The following ERBB4 variants were observed in gnomAD, a reference collection of about 807,000 sequenced individuals.
ERBB4 encodes the protein erb-b2 receptor tyrosine kinase 4.
In ERBB4, 42 loss-of-function variants were observed where a neutral mutation model predicts 158.0. The observed-to-expected ratio is 0.27, with a 90% CI of 0.21 to 0.34. The LOEUF (loss-of-function observed/expected upper bound fraction) is 0.34, where lower values mean the gene tolerates loss of function less well. Ranked by LOEUF, ERBB4 falls within the 10% of genes least tolerant of loss-of-function variation. The pLI is 1.00. For missense variants in ERBB4, 1,333 were observed against 1,624.1 expected (o/e 0.82, Z 3.08); for synonymous variants, 583 against 558.7 (o/e 1.04, Z -0.61).
At chr2:212,256,459 G>A (rs2084743315) in intron 1 of ERBB4, among the ~76,000 whole-genome samples, 1 of 152,146 alleles carries the variant, frequency 6.6e-6, no homozygotes, top group African/African-American at 2.4e-5. Context: ...ACAAGGGACT[G>A]TAGATCTGCA....
intron 25 of ERBB4, among the ~76,000 whole-genome samples, chr2:211,415,107 CTTTTTTTTT>C (rs71047175): frequency 8.3e-4 from 60 of 72,524 alleles, no homozygotes; most frequent in African/African-American, 2.9e-3. Context: ...CTTACATTTT[CTTTTTTTTT>C]TTTTTTTTTT....
intron 3 of ERBB4, among the ~76,000 whole-genome samples, chr2:211,877,248 G>T (rs1258833359): frequency 6.6e-6 from 1 of 152,176 alleles, no homozygotes; most frequent in Non-Finnish European, 1.5e-5. Context: ...TTGGACTATG[G>T]CAGAATTTAT....
intron 1 of ERBB4, among the ~76,000 whole-genome samples, chr2:212,486,545 A>T (rs1689991674): frequency 6.6e-6 from 1 of 152,184 alleles, no homozygotes. Context: ...TGCAGCTCCC[A>T]TTGCCTCTAG....
intron 2 of ERBB4, among the ~76,000 whole-genome samples, chr2:212,003,212 A>AGAAAGAAAGAAAGAAAGAAAGAAG (rs2076173198): frequency 7.4e-5 from 3 of 40,512 alleles, no homozygotes; most frequent in African/African-American, 1.9e-4. Context: ...AAAGACAGAA[A>AGAAAGAAAGAAAGAAAGAAAGAAG]GAAGGAAGGA....
At position 211,955,704 on chromosome 2, in the gene ERBB4, C is replaced by G. The variant is rs899744097; in HGVS notation, c.235-8088G>C. Among the ~76,000 whole-genome samples, 4 of 152,094 alleles carry G rather than the reference C, an allele frequency of 2.6e-5. No individual in the cohort carries two copies. In the East Asian group the frequency reaches 7.7e-4, roughly 29 times the overall value. ...AATCACAGGCTACCAACTGATCACA[C>G]TATGTCCAAATAAGACAAATGCCAC... On this transcript the variant is annotated intron_variant, in intron 2 of 27. Transcript: ENST00000342788.
intron 20 of ERBB4, among the ~76,000 whole-genome samples, chr2:211,508,065 T>C (rs989939893): frequency 2.6e-5 from 4 of 152,082 alleles, no homozygotes; most frequent in Non-Finnish European, 4.4e-5. Context: ...ATTCAGGACA[T>C]AGGCATGGGC....
rs566944401 is a variant in ERBB4, at chr2:211,507,393, C to T, written c.2487+54510G>A. ...ATAAAACCCTGAAACCCATATCAGGCAAGGATACAAGAAAAAGAGAAAACT... is the reference window on the plus strand; with the variant it reads ...ATAAAACCCTGAAACCCATATCAGGTAAGGATACAAGAAAAAGAGAAAACT... On this transcript the variant is annotated intron_variant, in intron 20 of 27. Transcript: ENST00000342788. Among the ~76,000 whole-genome samples, 4 of 152,140 alleles carry T rather than the reference C, an allele frequency of 2.6e-5. No homozygotes were observed. In the South Asian group the frequency reaches 8.3e-4, roughly 32 times the overall value.
At chr2:211,773,592 G>A (rs1193329504) in intron 4 of ERBB4, among the ~76,000 whole-genome samples, 2 of 60,740 alleles carry the variant, frequency 3.3e-5, no homozygotes, top group South Asian at 1.3e-3. Flanking sequence ...TTATACTTCT[G>A]TAACTTTATA....
At chr2:211,851,372 C>T (rs533098517) in intron 3 of ERBB4, among the ~76,000 whole-genome samples, 2 of 151,886 alleles carry the variant, frequency 1.3e-5, no homozygotes, top group African/African-American at 2.4e-5. Flanking sequence ...ATTAAATTGG[C>T]TTAATCCAAT....
chr2:211,736,044 T>A (rs113970208), intron 5 of ERBB4, among the ~76,000 whole-genome samples: 34,632 of 151,536 alleles, frequency 0.23, 4,400 homozygotes, highest in Non-Finnish European at 0.3. Context: ...GCACCTGTAG[T>A]CCTAGCTGCT....
intron 1 of ERBB4, among the ~76,000 whole-genome samples, chr2:212,360,352 C>G (rs1383315735): frequency 2.0e-5 from 3 of 151,618 alleles, no homozygotes; most frequent in Non-Finnish European, 1.5e-5. Flanking sequence ...TTTCCCACAT[C>G]CTTGCCTTAA....
chr2:211,857,624 G>T (rs1277086422), intron 3 of ERBB4, among the ~76,000 whole-genome samples: 1 of 152,094 alleles, frequency 6.6e-6, no homozygotes, highest in African/African-American at 2.4e-5. Flanking sequence ...ATGACAATTG[G>T]ATAAGCCTCA....
At chr2:211,952,119 T>C (rs946056920) in intron 2 of ERBB4, among the ~76,000 whole-genome samples, 2 of 152,002 alleles carry the variant, frequency 1.3e-5, no homozygotes, top group African/African-American at 2.4e-5. Flanking sequence ...GAGATAAATA[T>C]AAAATTCTTA....
At chr2:211,519,902 C>G (rs1376062902) in intron 20 of ERBB4, among the ~76,000 whole-genome samples, 1 of 152,104 alleles carries the variant, frequency 6.6e-6, no homozygotes, top group East Asian at 1.9e-4. Flanking sequence ...CTTGCTTGCT[C>G]CATGCTTGCA....
chr2:211,683,222 T>C (rs182791207), intron 12 of ERBB4, among the ~76,000 whole-genome samples: 34 of 152,186 alleles, frequency 2.2e-4, no homozygotes, highest in Admixed American at 6.5e-5. Context: ...AAGTTTATAG[T>C]ACAGTAACAC....
chr2:211,717,903 G>T (rs1389295978), intron 7 of ERBB4, among the ~76,000 whole-genome samples: 1 of 152,122 alleles, frequency 6.6e-6, no homozygotes, highest in African/African-American at 2.4e-5. Flanking sequence ...GGAAAGAAAG[G>T]AGGGAAGATA....
At chr2:211,852,678 C>T (rs1214671504) in intron 3 of ERBB4, among the ~76,000 whole-genome samples, 3 of 138,156 alleles carry the variant, frequency 2.2e-5, no homozygotes, top group African/African-American at 8.0e-5. Context: ...AGCTGTCTAT[C>T]CACTCTTCAA....
intron 2 of ERBB4, among the ~76,000 whole-genome samples, chr2:212,002,361 A>G (rs1007261572): frequency 1.3e-5 from 2 of 152,156 alleles, no homozygotes; most frequent in Admixed American, 6.5e-5. Context: ...TACAGAAGTT[A>G]GTACAAGAAA....
chr2:212,416,950 G>T (rs1315453077), intron 1 of ERBB4, among the ~76,000 whole-genome samples: 3 of 151,968 alleles, frequency 2.0e-5, no homozygotes, highest in Non-Finnish European at 4.4e-5. Flanking sequence ...CATGATAAGG[G>T]CTTTGATAAG....
Sources: gnomAD v4.1 joint callset for allele counts (sites outside exome capture counted in the v4.1 genomes callset) on GRCh38, gnomAD v4.1.1 for gene constraint, MANE v1.5 for transcripts, NCBI Gene and HGNC (gene_info 2026-07-23, HGNC 2026-07-21) for gene names.